CD200: variants seen among roughly 807,000 people sequenced by gnomAD.
CD200 encodes the protein CD200 molecule, also known as OX-2 membrane glycoprotein.
A neutral mutation model predicts 30.9 loss-of-function variants in CD200; 15 were observed. The ratio of observed to expected loss-of-function variants is 0.49; its 90% CI spans 0.32 to 0.75. The LOEUF (loss-of-function observed/expected upper bound fraction) is 0.75, where lower values mean the gene tolerates loss of function less well. Among genes scored for constraint, CD200 ranks in the 30% least tolerant of loss-of-function variants. CD200 has a pLI of 0.03. For synonymous variants in CD200, 134 were observed against 126.2 expected (o/e 1.06, Z -0.41); for missense variants, 262 against 324.2 (o/e 0.81, Z 1.47).
At chr3:112,359,227 C>A (rs2081690443) in intron 5 of CD200, among the ~76,000 whole-genome samples, 1 of 151,900 alleles carries the variant, frequency 6.6e-6, no homozygotes, top group African/African-American at 2.4e-5. Context: ...CAAAGTCAGG[C>A]TTAATTTAAG....
intron 1 of CD200, among the ~76,000 whole-genome samples, chr3:112,339,781 C>T (rs1406958337): frequency 6.6e-6 from 1 of 152,222 alleles, no homozygotes; most frequent in African/African-American, 2.4e-5. Flanking sequence ...TGAGCAAGCA[C>T]CAGTTCATCT....
intron 4 of CD200, among the ~76,000 whole-genome samples, chr3:112,348,562 C>T (rs1352519372): frequency 6.6e-6 from 1 of 152,096 alleles, no homozygotes. Context: ...GCAATAATAG[C>T]CACGTCTTTT....
Position 112,361,835 on chromosome 3 carries a change from G to A in CD200, c.*285G>A. The stretch of plus-strand genomic sequence containing the variant: ...GCACTGGACTTAGTTAGTATCAGGA[G>A]CACTGAGCTCACAGACTGACTTGGG... On this transcript the variant is annotated 3_prime_UTR_variant, in exon 6 of 6. Coordinates refer to ENST00000315711, the MANE Select transcript of CD200 (RefSeq NM_005944.7). The A allele has an allele frequency of 4.1e-6, 2 of 482,750 alleles. No individual in the cohort carries two copies. Among genetic ancestry groups the A allele is most frequent in the Non-Finnish European group, 7.4e-6 (2 of 270,066 alleles). 29.9% of individuals were successfully genotyped at this position (482,750 alleles called of 1,614,324 possible).
In CD200 at chr3:112,344,317, T is replaced by C. The variant is rs575257078; in HGVS notation, c.95-645T>C. On this transcript the variant is annotated intron_variant, in intron 2 of 5. Coordinates refer to ENST00000315711, the MANE Select transcript of CD200 (RefSeq NM_005944.7). ...TGTATGATGGTATGAGTTGCTAATA[T>C]TGAGGAAGGGAAGAAATTACCACCA... Among the ~76,000 whole-genome samples, 6 of 152,302 alleles carry C rather than the reference T, an allele frequency of 3.9e-5. No homozygotes were observed. In the South Asian group the frequency reaches 1.0e-3, roughly 26 times the overall value.
intron 1 of CD200, among the ~76,000 whole-genome samples, chr3:112,339,861 T>G (rs1199877047): frequency 6.6e-6 from 1 of 152,216 alleles, no homozygotes; most frequent in South Asian, 2.1e-4. Context: ...TAGCCAATGC[T>G]AGCATAATAG....
At chr3:112,336,164 T>G in intron 1 of CD200, 1 of 630,696 alleles carries the variant, frequency 1.6e-6, no homozygotes, top group East Asian at 2.8e-5. Flanking sequence ...TTTCCCTCAT[T>G]AAGTTTAGGT....
At chr3:112,342,159 C>A (rs2081252844) in intron 2 of CD200, among the ~76,000 whole-genome samples, 1 of 151,986 alleles carries the variant, frequency 6.6e-6, no homozygotes, top group African/African-American at 2.4e-5. Context: ...TTTATTAATT[C>A]ACTGCGATAT....
At chr3:112,340,613 AT>A (rs1486307929) in intron 1 of CD200, among the ~76,000 whole-genome samples, 1 of 152,108 alleles carries the variant, frequency 6.6e-6, no homozygotes, top group East Asian at 1.9e-4. Context: ...CAGTGATCCT[AT>A]GTCTTTGAGA....
At chr3:112,345,846 C>G (rs2081375615) in intron 3 of CD200, among the ~76,000 whole-genome samples, 1 of 152,164 alleles carries the variant, frequency 6.6e-6, no homozygotes, top group Non-Finnish European at 1.5e-5. Flanking sequence ...ATGATGCCAA[C>G]TAAAGATATA....
At position 112,340,835 on chromosome 3, in the gene CD200, G is replaced by T. The variant is rs2081222449; in HGVS notation, c.13-67G>T. 4.7e-6 allele frequency: 5 copies of T among 1,056,740 alleles called. No individual in the cohort carries two copies. The South Asian group carries it at 6.6e-5, about 14-fold the overall frequency. The allele number at this position is 1,056,740 out of a possible 1,614,324, so 65.5% of individuals were successfully genotyped here. A position where few individuals can be genotyped will look rare whatever the true frequency, so the allele number is the denominator to read the frequency against. Reference sequence around the variant, plus strand: ...ACAACATTCCCTGAAATAGCGATTAGATTGAAGCTTCCTTGGATTTGTCCA... The same window carrying T: ...ACAACATTCCCTGAAATAGCGATTATATTGAAGCTTCCTTGGATTTGTCCA... On this transcript the variant is annotated intron_variant, in intron 1 of 5. Coordinates refer to ENST00000315711, the MANE Select transcript of CD200 (RefSeq NM_005944.7).
intron 3 of CD200, among the ~76,000 whole-genome samples, chr3:112,346,677 C>T (rs1346509983): frequency 6.6e-6 from 1 of 152,242 alleles, no homozygotes; most frequent in Non-Finnish European, 1.5e-5. Flanking sequence ...CTTCTACCTG[C>T]CTCTTGAACC....
At chr3:112,347,265 G>C (rs938482000) in intron 3 of CD200, among the ~76,000 whole-genome samples, 5 of 152,190 alleles carry the variant, frequency 3.3e-5, no homozygotes, top group Admixed American at 2.6e-4. Flanking sequence ...GGAGAGAAAA[G>C]TATCATCTGA....
chr3:112,358,042 G>A (rs2081661003), intron 5 of CD200, among the ~76,000 whole-genome samples: 1 of 152,174 alleles, frequency 6.6e-6, no homozygotes, highest in African/African-American at 2.4e-5. Flanking sequence ...ACTGACACCA[G>A]ACAGGACGTC....
At chr3:112,335,784 C>T in intron 1 of CD200, 1 of 661,090 alleles carries the variant, frequency 1.5e-6, no homozygotes, top group Non-Finnish European at 2.7e-6. Flanking sequence ...GAGCCCTTTT[C>T]CAGCAGGCCA....
intron 5 of CD200, among the ~76,000 whole-genome samples, chr3:112,355,566 G>C (rs999422039): frequency 6.6e-6 from 1 of 152,114 alleles, no homozygotes; most frequent in African/African-American, 2.4e-5. Context: ...ACTATGTGTG[G>C]TGATAGTAGG....
intron 2 of CD200, among the ~76,000 whole-genome samples, chr3:112,343,421 A>G (rs1427346005): frequency 6.6e-6 from 1 of 151,976 alleles, no homozygotes; most frequent in African/African-American, 2.4e-5. Context: ...TTCCTGTCCT[A>G]TGCTCCTGAG....
chr3:112,334,202 C>T (rs2081061935), intron 1 of CD200: 1 of 985,360 alleles, frequency 1.0e-6, no homozygotes, highest in Middle Eastern at 5.2e-4. Flanking sequence ...ATTTCCAAGT[C>T]CTTGTGACTA....
At chr3:112,360,036 A>T (rs1576630165) in intron 5 of CD200, among the ~76,000 whole-genome samples, 1 of 152,200 alleles carries the variant, frequency 6.6e-6, no homozygotes, top group Non-Finnish European at 1.5e-5. Flanking sequence ...CAGAAAAGTC[A>T]TTAATATTTT....
At chr3:112,350,049 C>T in intron 5 of CD200, 1 of 840,598 alleles carries the variant, frequency 1.2e-6, no homozygotes, top group Non-Finnish European at 1.4e-6. Context: ...GACTTAAAAG[C>T]TAATGAAATC....
Sources: gnomAD v4.1 joint callset for allele counts (sites outside exome capture counted in the v4.1 genomes callset) on GRCh38, gnomAD v4.1.1 for gene constraint, MANE v1.5 for transcripts, NCBI Gene and HGNC (gene_info 2026-07-23, HGNC 2026-07-21) for gene names.